Variants in GRID2 observed in about 807,000 individuals in gnomAD.
GRID2 encodes glutamate ionotropic receptor delta type subunit 2.
Under a neutral mutation model 114.8 loss-of-function variants are expected in GRID2, and 33 were observed. That is an observed-to-expected ratio of 0.29 (90% CI 0.22 to 0.38). The LOEUF (loss-of-function observed/expected upper bound fraction) is 0.38. Ranked by LOEUF, GRID2 falls within the 10% of genes least tolerant of loss-of-function variation. The pLI, the probability that GRID2 is intolerant of heterozygous loss-of-function variation, is 1.00. For missense variants in GRID2, 1,184 were observed against 1,257.7 expected (o/e 0.94, Z 0.89); for synonymous variants, 505 against 449.9 (o/e 1.12, Z -1.55).
At chr4:92,756,794 T>C (rs1048342116) in intron 2 of GRID2, among the ~76,000 whole-genome samples, 2 of 152,136 alleles carry the variant, frequency 1.3e-5, no homozygotes, top group Non-Finnish European at 1.5e-5. Flanking sequence ...TTTTGCGCAC[T>C]TTTTAATGTT....
intron 4 of GRID2, among the ~76,000 whole-genome samples, chr4:93,185,532 T>TTAA (rs1199426902): frequency 1.3e-5 from 2 of 152,276 alleles, no homozygotes; most frequent in African/African-American, 4.8e-5. Context: ...AGAGATATAT[T>TTAA]TAAGATTTGT....
rs573496711 is a variant in GRID2, at chr4:93,712,111, A to G, written c.2361-57099A>G. Reference sequence around the variant, plus strand: ...TTTTGGCTTAACTTTTTACATATTTACAATATTTTTTCACACAGAGAAGTT... The same window carrying G: ...TTTTGGCTTAACTTTTTACATATTTGCAATATTTTTTCACACAGAGAAGTT... On this transcript the variant is annotated intron_variant, in intron 14 of 15. Coordinates refer to ENST00000282020, the MANE Select transcript of GRID2 (RefSeq NM_001510.4). Among the ~76,000 whole-genome samples the G allele has an allele frequency of 7.0e-4, 106 of 152,232 alleles. 1 individual carries two copies. The highest frequency in any genetic ancestry group is 3.4e-3 in the Middle Eastern group (1 of 294).
intron 4 of GRID2, among the ~76,000 whole-genome samples, chr4:93,114,615 C>A (rs535365457): frequency 1.3e-5 from 2 of 152,188 alleles, no homozygotes; most frequent in East Asian, 3.9e-4. Context: ...CTAAGCTCAC[C>A]CTATTGTACT....
intron 1 of GRID2, among the ~76,000 whole-genome samples, chr4:92,399,661 C>CTA (rs1178051345): frequency 3.4e-4 from 47 of 139,684 alleles, no homozygotes; most frequent in African/African-American, 8.9e-4. Flanking sequence ...CTCTCTCTCT[C>CTA]TCTCTATATA....
intron 2 of GRID2, among the ~76,000 whole-genome samples, chr4:92,883,528 G>A (rs2149460512): frequency 6.6e-6 from 1 of 152,288 alleles, no homozygotes; most frequent in East Asian, 1.9e-4. Context: ...AGATTCATCA[G>A]AGGAATCACT....
At chr4:92,327,025 A>G (rs1726633835) in intron 1 of GRID2, among the ~76,000 whole-genome samples, 1 of 151,996 alleles carries the variant, frequency 6.6e-6, no homozygotes, top group Non-Finnish European at 1.5e-5. Context: ...CTACATTGCC[A>G]CATTGTAGTG....
At chr4:93,313,031 A>G (rs912860868) in intron 8 of GRID2, among the ~76,000 whole-genome samples, 2 of 152,202 alleles carry the variant, frequency 1.3e-5, no homozygotes, top group Non-Finnish European at 2.9e-5. Context: ...ATGCTTAGCT[A>G]CTAAGATACA....
chr4:93,422,975 A>G lies in GRID2; in HGVS notation c.1545+7A>G. 6.4e-7 allele frequency: 1 copy of G among 1,566,336 alleles called. No individual in the cohort carries two copies. The highest frequency in any genetic ancestry group is 8.8e-7 in the Non-Finnish European group (1 of 1,136,796). ...AGGAGAACTTGTCTTTAAGGTAAGA[A>G]TTACTTTATTTATTTGTCTCATACT... On this transcript the variant is annotated splice_region_variant and intron_variant, in intron 10 of 15. Coordinates refer to ENST00000282020, the MANE Select transcript of GRID2 (RefSeq NM_001510.4).
chr4:93,011,906 G>A (rs1364825152), intron 2 of GRID2, among the ~76,000 whole-genome samples: 2 of 151,612 alleles, frequency 1.3e-5, no homozygotes, highest in African/African-American at 2.4e-5. Context: ...TTCTAGCTTC[G>A]GTTTTATAAT....
intron 2 of GRID2, among the ~76,000 whole-genome samples, chr4:93,028,130 G>A (rs1724051087): frequency 6.6e-6 from 1 of 152,032 alleles, no homozygotes; most frequent in Admixed American, 6.6e-5. Flanking sequence ...ACTGTTTTAG[G>A]CATGAGAACA....
At chr4:92,553,981 A>G (rs1336623555) in intron 1 of GRID2, among the ~76,000 whole-genome samples, 3 of 152,162 alleles carry the variant, frequency 2.0e-5, no homozygotes, top group African/African-American at 7.2e-5. Flanking sequence ...TCTCAGAATC[A>G]TAGTATCAGG....
chr4:93,171,634 C>T (rs1028987998), intron 4 of GRID2, among the ~76,000 whole-genome samples: 4 of 152,152 alleles, frequency 2.6e-5, no homozygotes, highest in African/African-American at 4.8e-5. Flanking sequence ...AGGACCCAAT[C>T]AACCATTCCT....
At chr4:92,375,615 G>T (rs2110226649) in intron 1 of GRID2, among the ~76,000 whole-genome samples, 1 of 152,092 alleles carries the variant, frequency 6.6e-6, no homozygotes, top group East Asian at 1.9e-4. Context: ...TGCCAGTAAA[G>T]GTATCATGTT....
intron 2 of GRID2, among the ~76,000 whole-genome samples, chr4:92,884,227 T>G (rs1023307526): frequency 1.1e-4 from 17 of 152,192 alleles, no homozygotes; most frequent in Non-Finnish European, 2.5e-4. Context: ...TGACTTTTCT[T>G]TTGCAGCTTT....
rs2271385 is a variant in GRID2, at chr4:93,110,974, G to C, written c.735+21G>C. Reference sequence around the variant, plus strand: ...CTGAGGTAAGTGAAAATTGTCTTGGGGTGAGAGTTGTACAAAACAATTAAA... The same window carrying C: ...CTGAGGTAAGTGAAAATTGTCTTGGCGTGAGAGTTGTACAAAACAATTAAA... On this transcript the variant is annotated intron_variant, in intron 4 of 15. Transcript: ENST00000282020. 649,426 of 1,489,130 alleles carry C rather than the reference G, an allele frequency of 0.44. 144,874 individuals carry two copies. Among genetic ancestry groups the C allele is most frequent in the Admixed American group, 0.66 (39,163 of 59,788 alleles). 92.2% of individuals were successfully genotyped at this position (1,489,130 alleles called of 1,614,324 possible).
At chr4:93,539,938 T>C (rs1251996249) in intron 13 of GRID2, among the ~76,000 whole-genome samples, 1 of 152,006 alleles carries the variant, frequency 6.6e-6, no homozygotes, top group Non-Finnish European at 1.5e-5. Context: ...ATCTATAAAC[T>C]CATGTTCTTC....
chr4:93,287,423 C>G (rs1753300467), intron 8 of GRID2, among the ~76,000 whole-genome samples: 1 of 152,090 alleles, frequency 6.6e-6, no homozygotes, highest in Non-Finnish European at 1.5e-5. Context: ...ACAGTGCTAT[C>G]CTGAGGCACA....
At chr4:92,345,469 C>T (rs1210887610) in intron 1 of GRID2, among the ~76,000 whole-genome samples, 1 of 152,176 alleles carries the variant, frequency 6.6e-6, no homozygotes, top group Non-Finnish European at 1.5e-5. Flanking sequence ...TGGGTAGATA[C>T]CCAGTAGTGG....
intron 13 of GRID2, among the ~76,000 whole-genome samples, chr4:93,534,523 G>A (rs1731832343): frequency 6.6e-6 from 1 of 152,040 alleles, no homozygotes; most frequent in African/African-American, 2.4e-5. Flanking sequence ...ATGAGGGCAA[G>A]AATTTTTGCC....
Sources: gnomAD v4.1 joint callset for allele counts (sites outside exome capture counted in the v4.1 genomes callset) on GRCh38, gnomAD v4.1.1 for gene constraint, MANE v1.5 for transcripts, NCBI Gene and HGNC (gene_info 2026-07-23, HGNC 2026-07-21) for gene names.